PXDNL: variants seen among roughly 807,000 people sequenced by gnomAD.
PXDNL encodes the protein probable oxidoreductase PXDNL.
PXDNL carries 145 observed loss-of-function variants against 150.8 expected under a neutral mutation model. That is an observed-to-expected ratio of 0.96 (90% CI 0.84 to 1.10). The LOEUF is 1.10. Among genes scored for constraint, PXDNL ranks in the 50% least tolerant of loss-of-function variants. The probability of loss-of-function intolerance (pLI) is 0.00; values close to 1 mark genes in which losing one functional copy is unlikely to be tolerated. For synonymous variants in PXDNL, 757 were observed against 725.7 expected (o/e 1.04, Z -0.69); for missense variants, 2,087 against 1,873.9 (o/e 1.11, Z -2.10).
intron 19 of PXDNL, among the ~76,000 whole-genome samples, chr8:51,360,646 T>C (rs1219936811): frequency 2.0e-5 from 3 of 152,248 alleles, no homozygotes; most frequent in Middle Eastern, 3.2e-3. Flanking sequence ...TATTTTAAGT[T>C]CAGCCTAAAT....
chr8:51,622,378 T>C (rs531833426), intron 2 of PXDNL, among the ~76,000 whole-genome samples: 2 of 152,294 alleles, frequency 1.3e-5, no homozygotes, highest in South Asian at 4.1e-4. Flanking sequence ...TGGGCACTGC[T>C]TTAAGCCACT....
chr8:51,480,308 C>T (rs535946652), intron 6 of PXDNL, among the ~76,000 whole-genome samples: 1 of 152,258 alleles, frequency 6.6e-6, no homozygotes, highest in East Asian at 1.9e-4. Context: ...GTAGACTGTA[C>T]AGGAAGCATA....
chr8:51,383,893 G>A (rs566961638), intron 17 of PXDNL, among the ~76,000 whole-genome samples: 117 of 152,238 alleles, frequency 7.7e-4, no homozygotes, highest in Non-Finnish European at 1.5e-3. Flanking sequence ...CATTCAGCTG[G>A]ATCATTCACA....
intron 12 of PXDNL, among the ~76,000 whole-genome samples, chr8:51,446,696 C>A (rs1809684188): frequency 6.6e-6 from 1 of 152,052 alleles, no homozygotes; most frequent in Non-Finnish European, 1.5e-5. Flanking sequence ...AAGCTGCATT[C>A]TTTTGTAAGA....
intron 19 of PXDNL, among the ~76,000 whole-genome samples, chr8:51,361,937 C>CAAAAAAAAAAAAAAAAAAA (rs57092440): frequency 9.3e-4 from 54 of 58,068 alleles, no homozygotes; most frequent in Middle Eastern, 0.023. Flanking sequence ...GATTCCATCT[C>CAAAAAAAAAAAAAAAAAAA]AAAAAAAAAA....
At chr8:51,618,002 T>C (rs938131510) in intron 2 of PXDNL, among the ~76,000 whole-genome samples, 1 of 152,238 alleles carries the variant, frequency 6.6e-6, no homozygotes, top group Non-Finnish European at 1.5e-5. Context: ...ATAAAATGCC[T>C]TTTGAAGAAA....
chr8:51,772,659 A>C (rs2037311276), intron 1 of PXDNL, among the ~76,000 whole-genome samples: 1 of 152,204 alleles, frequency 6.6e-6, no homozygotes, highest in South Asian at 2.1e-4. Context: ...GGGGTGACCC[A>C]GTGTCTCTAG....
chr8:51,528,999 A>G (rs59179309), intron 4 of PXDNL, among the ~76,000 whole-genome samples: 2 of 152,154 alleles, frequency 1.3e-5, no homozygotes, highest in Non-Finnish European at 2.9e-5. Flanking sequence ...TTAAGATGCT[A>G]TGGTTGTGGT....
intron 1 of PXDNL, among the ~76,000 whole-genome samples, chr8:51,807,093 G>C (rs1441568684): frequency 1.3e-5 from 2 of 152,192 alleles, no homozygotes; most frequent in African/African-American, 4.8e-5. Flanking sequence ...ATAGGGTGAA[G>C]AGTGCATCAG....
chr8:51,661,525 C>G (rs1181551568), intron 1 of PXDNL, among the ~76,000 whole-genome samples: 1 of 152,200 alleles, frequency 6.6e-6, no homozygotes, highest in Admixed American at 6.5e-5. Flanking sequence ...GCCCCAGGTC[C>G]GCTGAGGAAG....
At chr8:51,722,971 G>A (rs536462876) in intron 1 of PXDNL, among the ~76,000 whole-genome samples, 3 of 152,144 alleles carry the variant, frequency 2.0e-5, no homozygotes, top group Admixed American at 2.0e-4. Context: ...TGTATCACTA[G>A]GGTTGGCACT....
intron 1 of PXDNL, among the ~76,000 whole-genome samples, chr8:51,659,135 G>A (rs983734759): frequency 2.0e-5 from 3 of 152,264 alleles, no homozygotes; most frequent in Non-Finnish European, 4.4e-5. Context: ...TGGAAATTAA[G>A]TTATTATATC....
chr8:51,381,745 C>T (rs1371107800), intron 17 of PXDNL, among the ~76,000 whole-genome samples: 1 of 151,524 alleles, frequency 6.6e-6, no homozygotes, highest in South Asian at 2.1e-4. Context: ...CTCCACCTCC[C>T]GGGTTCATGC....
intron 1 of PXDNL, among the ~76,000 whole-genome samples, chr8:51,676,433 T>C (rs1458938350): frequency 6.6e-6 from 1 of 152,148 alleles, no homozygotes; most frequent in Non-Finnish European, 1.5e-5. Flanking sequence ...CATGCCACCA[T>C]GCCTGGCTAA....
At chr8:51,805,578 C>T (rs2037667378) in intron 1 of PXDNL, among the ~76,000 whole-genome samples, 1 of 151,558 alleles carries the variant, frequency 6.6e-6, no homozygotes, top group Non-Finnish European at 1.5e-5. Context: ...GAGCATAAGA[C>T]ATTTTCCATT....
At chr8:51,359,035 A>G (rs1437341765) in intron 19 of PXDNL, among the ~76,000 whole-genome samples, 1 of 152,276 alleles carries the variant, frequency 6.6e-6, no homozygotes, top group Middle Eastern at 3.4e-3. Context: ...TGAACTGAAT[A>G]AGTGGGTTGT....
At chr8:51,793,906 C>T (rs1325103346) in intron 1 of PXDNL, among the ~76,000 whole-genome samples, 1 of 151,268 alleles carries the variant, frequency 6.6e-6, no homozygotes, top group East Asian at 1.9e-4. Context: ...ACAACAACAA[C>T]AACAAAAGAT....
intron 1 of PXDNL, among the ~76,000 whole-genome samples, chr8:51,705,301 T>C (rs1816354439): frequency 6.6e-6 from 1 of 152,240 alleles, no homozygotes; most frequent in South Asian, 2.1e-4. Flanking sequence ...CCTCATTTTT[T>C]CTCATGTCTA....
intron 2 of PXDNL, among the ~76,000 whole-genome samples, chr8:51,608,824 A>G (rs372743874): frequency 3.4e-3 from 443 of 132,074 alleles, no homozygotes; most frequent in African/African-American, 0.013. Context: ...GTGACAGAGC[A>G]AGACTCTGTC....
Sources: gnomAD v4.1 joint callset for allele counts (sites outside exome capture counted in the v4.1 genomes callset) on GRCh38, gnomAD v4.1.1 for gene constraint, MANE v1.5 for transcripts, NCBI Gene and HGNC (gene_info 2026-07-23, HGNC 2026-07-21) for gene names.